Variants in MRPL39 observed in about 807,000 individuals in gnomAD.
The protein encoded by MRPL39 is mitochondrial ribosomal protein L39.
In MRPL39, 35 loss-of-function variants were observed where a neutral mutation model predicts 44.5. The ratio of observed to expected loss-of-function variants is 0.79; its 90% CI spans 0.60 to 1.04. The LOEUF is 1.04. Ranked by LOEUF, MRPL39 falls within the 50% of genes least tolerant of loss-of-function variation. MRPL39 has a pLI of 0.00. For synonymous variants in MRPL39, 139 were observed against 136.1 expected (o/e 1.02, Z -0.15); for missense variants, 433 against 413.5 (o/e 1.05, Z -0.41).
Position 25,603,867 on chromosome 21 carries a change from T to G in MRPL39, c.349A>C (p.Lys117Gln), listed in dbSNP as rs750533267. The change falls in exon 3 of 10, where the codon AAG (lysine) becomes CAG (glutamine). Residue 117 changes from lysine (K) to glutamine (Q), a missense_variant. Coordinates refer to ENST00000352957, the MANE Select transcript of MRPL39 (RefSeq NM_017446.4). ...LVDGQPWDMY[K>Q]PLTKSCEIKF... ...ATTTCACAGGACTTTGTTAAAGGCT[T>G]ATACATGTCCCAAGGCTGTCCATCC... 6.2e-7 allele frequency: 1 copy of G among 1,613,150 alleles called. No homozygotes were observed. The highest frequency in any genetic ancestry group is 2.2e-5 in the East Asian group (1 of 44,852).
upstream of MRPL39, among the ~76,000 whole-genome samples, chr21:25,607,735 C>A (rs1280039433): frequency 6.6e-6 from 1 of 152,214 alleles, no homozygotes; most frequent in African/African-American, 2.4e-5. Flanking sequence ...GGTCGGCCTG[C>A]CGCCCACCAC....
In MRPL39 at chr21:25,585,715, A is replaced by G; in HGVS notation, c.1009T>C (p.Ser337Pro). Reference protein sequence around the residue: ...DQSKATEECTST With the variant: ...DQSKATEECTPT The stretch of plus-strand genomic sequence containing the variant: ...TAAATTTTAGAAAGTTATTAGGTAG[A>G]TGTACATTCCTCTGTTGCTTTACTT... Residue 337 changes from serine to proline, a missense_variant, in exon 10 of 10, where the codon TCT becomes CCT. Physicochemically the swap from Ser to Pro is moderately conservative, Grantham distance 74. Coordinates refer to ENST00000352957, the MANE Select transcript of MRPL39 (RefSeq NM_017446.4). 2.6e-6 allele frequency: 4 copies of G among 1,545,964 alleles called. No individual in the cohort carries two copies. Among genetic ancestry groups the G allele is most frequent in the South Asian group, 2.4e-5 (2 of 82,994 alleles).
rs1175881282 is a variant in MRPL39 at position 25,606,589 on chromosome 21, A to AGATC, written c.136_139dup (p.Leu47ArgfsTer4). 1.9e-6 allele frequency: 3 copies of AGATC among 1,614,020 alleles called. No homozygotes were observed. In the South Asian group the frequency reaches 3.3e-5, roughly 18 times the overall value. On this transcript the variant is annotated frameshift_variant, in exon 2 of 10. Transcript: ENST00000352957. LOFTEE classifies it high-confidence loss of function. ...CTGCCTGGCTTTCTCTTTATTAAAG[A>AGATC]GATCATTCCGCATTTCTGTCAATTC...
chr21:25,605,942 T>A (rs2031651395), intron 2 of MRPL39, among the ~76,000 whole-genome samples: 1 of 152,120 alleles, frequency 6.6e-6, no homozygotes, highest in Admixed American at 6.5e-5. Context: ...CTGGTCACCT[T>A]CTGCCAGAAA....
intron 1 of MRPL39, 109 bp from the exon 2 acceptor site, chr21:25,606,764 C>A (rs925741840): frequency 1.2e-6 from 1 of 821,738 alleles, no homozygotes; most frequent in Non-Finnish European, 1.9e-6. Flanking sequence ...CAAACACCAG[C>A]GGAAGAAACA....
chr21:25,599,765 C>T (rs772318424), intron 5 of MRPL39, 34 bp downstream of exon 5: 2 of 1,543,614 alleles, frequency 1.3e-6, no homozygotes, highest in South Asian at 1.1e-5. Flanking sequence ...AAGGCAGACA[C>T]TCTAAAATTA....
chr21:25,597,305 C>A lies in MRPL39; in HGVS notation c.698G>T (p.Ser233Ile). 6.4e-7 allele frequency: 1 copy of A among 1,555,194 alleles called. No individual in the cohort carries two copies. Among genetic ancestry groups the A allele is most frequent in the Non-Finnish European group, 8.8e-7 (1 of 1,131,304 alleles). The change falls in exon 6 of 10, where the codon AGC becomes ATC. Residue 233 changes from serine (S) to isoleucine (I), a missense_variant. Physicochemically the swap from Ser to Ile is moderately radical, Grantham distance 142. Coordinates refer to ENST00000352957, the MANE Select transcript of MRPL39 (RefSeq NM_017446.4). Reference sequence around the variant, plus strand: ...TTTAAAGAAAGCCAACACTTACTTGCTGTGTTGAAATATTTCCAATGCCAC... The same window carrying A: ...TTTAAAGAAAGCCAACACTTACTTGATGTGTTGAAATATTTCCAATGCCAC... ...AKVALEIFQH[S>I]KYKVDFIEEK...
chr21:25,604,007 T>G lies in MRPL39; in HGVS notation c.281-72A>C, dbSNP rs562599095. The stretch of plus-strand genomic sequence containing the variant: ...AAGTTACATGTTTAAGTGCTATATT[T>G]AGAAATATAACAATGGAAAGGCAAG... On this transcript the variant is annotated intron_variant, in intron 2 of 9. Coordinates refer to ENST00000352957, the MANE Select transcript of MRPL39 (RefSeq NM_017446.4). 4.3e-6 allele frequency: 6 copies of G among 1,411,626 alleles called. No homozygotes were observed. In the South Asian group the frequency reaches 7.8e-5, roughly 18 times the overall value. The allele number at this position is 1,411,626 out of a possible 1,614,324, so 87.4% of individuals were successfully genotyped here.
Position 25,601,427 on chromosome 21 carries a change from A to T in MRPL39, c.461T>A (p.Ile154Lys), listed in dbSNP as rs940793325. ...ATATTCATCTTTGAATGCCCTCTCT[A>T]TCACACAGCCCATCATCATAGCACA... ...RSCAMMMGCV[I>K]ERAFKDEYMV... is the part of the protein sequence containing the mutation. The change falls in exon 4 of 10, where the codon ATA (isoleucine) becomes AAA (lysine). Residue 154 changes from isoleucine (I) to lysine (K), a missense_variant. Transcript: ENST00000352957. 3 of 1,610,412 alleles carry T rather than the reference A, an allele frequency of 1.9e-6. No individual in the cohort carries two copies. The highest frequency in any genetic ancestry group is 2.5e-6 in the Non-Finnish European group (3 of 1,177,858).
chr21:25,603,669 T>C (rs750486484), intron 3 of MRPL39, 127 bp downstream of exon 3: 36 of 986,824 alleles, frequency 3.6e-5, no homozygotes, highest in Non-Finnish European at 4.8e-5. Flanking sequence ...GGTAAAACAT[T>C]GACTAAAGAG....
In MRPL39 at chr21:25,603,897, G is replaced by A; in HGVS notation, c.319C>T (p.Leu107=). The A allele has an allele frequency of 6.2e-7, 1 of 1,611,968 alleles. No homozygotes were observed. Among genetic ancestry groups the A allele is most frequent in the Non-Finnish European group, 8.5e-7 (1 of 1,179,184 alleles). Residue 107 remains leucine, a synonymous_variant, in exon 3 of 10, where the codon CTG becomes TTG. Transcript: ENST00000352957. ...EWYCRKSILA[L]VDGQPWDMYK... ...ATGTCCCAAGGCTGTCCATCCACCA[G>A]AGCCAGAATGGACTTCCTGCAATAC...
intron 9 of MRPL39, among the ~76,000 whole-genome samples, chr21:25,588,565 C>T (rs2031075132): frequency 6.6e-6 from 1 of 152,146 alleles, no homozygotes; most frequent in African/African-American, 2.4e-5. Context: ...AGAACTATTA[C>T]TATTACATAG....
upstream of MRPL39, chr21:25,607,500 C>A: frequency 6.2e-7 from 1 of 1,607,426 alleles, no homozygotes; most frequent in South Asian, 1.1e-5. Flanking sequence ...CCGTCGCGCG[C>A]AAGTCCTTCT....
At chr21:25,605,494 G>A (rs2031634914) in intron 2 of MRPL39, among the ~76,000 whole-genome samples, 1 of 152,116 alleles carries the variant, frequency 6.6e-6, no homozygotes, top group Non-Finnish European at 1.5e-5. Context: ...GATAGATTAA[G>A]TTAGGCTATA....
rs1404629778 is a variant in MRPL39, at chr21:25,603,804, C to T, written c.412G>A (p.Val138Met). Residue 138 changes from valine to methionine, a missense_variant, in exon 3 of 10, where the codon GTG (valine) becomes ATG (methionine). Physicochemically the swap from Val to Met is conservative, Grantham distance 21. Transcript: ENST00000352957. ...TGTAGAGATAGAAATACCTTATTCA[C>T]TTCTCCTGGATCACAATCTTTGAAA... ...LTFKDCDPGE[V>M]NKAYWRSCAM... 2 of 1,607,022 alleles carry T rather than the reference C, an allele frequency of 1.2e-6. No homozygotes were observed. Among genetic ancestry groups the T allele is most frequent in the Non-Finnish European group, 1.7e-6 (2 of 1,177,486 alleles).
In MRPL39 at chr21:25,597,366, C is replaced by A. The variant is rs1317458548; in HGVS notation, c.637G>T (p.Asp213Tyr). 6.2e-7 allele frequency: 1 copy of A among 1,603,106 alleles called. No individual in the cohort carries two copies. ...ACTTCCAGAGTTTCAAATGGAAGAT[C>A]TTTATAAATTAAAGCATGAGCATCT... ...TKDAHALIYK[D>Y]LPFETLEVEA... The change falls in exon 6 of 10, where the codon GAT becomes TAT. Residue 213 changes from aspartate (D) to tyrosine (Y), a missense_variant. Transcript: ENST00000352957.
intron 6 of MRPL39, 115 bp from the exon 7 acceptor site, chr21:25,594,073 T>G: frequency 1.3e-5 from 11 of 817,326 alleles, no homozygotes; most frequent in Non-Finnish European, 1.9e-5. Flanking sequence ...TAGGTTACAC[T>G]TGGAACCTCC....
intron 2 of MRPL39, among the ~76,000 whole-genome samples, 159 bp from the exon 3 acceptor site, chr21:25,604,094 A>C (rs2031598885): frequency 6.6e-6 from 1 of 151,996 alleles, no homozygotes; most frequent in Admixed American, 6.5e-5. Flanking sequence ...AATTAAAAAA[A>C]AAAACCCTAC....
At chr21:25,601,044 C>T (rs2031507203) in intron 4 of MRPL39, among the ~76,000 whole-genome samples, 1 of 151,964 alleles carries the variant, frequency 6.6e-6, no homozygotes, top group African/African-American at 2.4e-5. Flanking sequence ...AGAGGCGGAG[C>T]TTGCAGTGAG....
Sources: allele counts gnomAD v4.1 joint callset (sites outside exome capture counted in the v4.1 genomes callset), GRCh38; gene constraint gnomAD v4.1.1; transcripts MANE v1.5; gene names NCBI Gene and HGNC (gene_info 2026-07-23, HGNC 2026-07-21).